CRTAC1: variants seen among roughly 807,000 people sequenced by gnomAD.
CRTAC1 encodes the protein acidic secreted protein in cartilage.
In CRTAC1, 37 loss-of-function variants were observed where a neutral mutation model predicts 67.8. The ratio of observed to expected loss-of-function variants is 0.55; its 90% CI spans 0.42 to 0.72. The LOEUF (loss-of-function observed/expected upper bound fraction) is 0.72, where lower values mean the gene tolerates loss of function less well. Ranked by LOEUF, CRTAC1 falls within the 30% of genes least tolerant of loss-of-function variation. The pLI is 0.00. For missense variants in CRTAC1, 780 were observed against 931.6 expected (o/e 0.84, Z 2.12); for synonymous variants, 348 against 371.0 (o/e 0.94, Z 0.71).
At chr10:98,003,032 C>T (rs541326751) in intron 2 of CRTAC1, among the ~76,000 whole-genome samples, 15 of 152,062 alleles carry the variant, frequency 9.9e-5, no homozygotes, top group Admixed American at 8.5e-4. Flanking sequence ...ATCTGCCCGC[C>T]TCAGCCTCCC....
At position 97,877,824 on chromosome 10, in the gene CRTAC1, A is replaced by C. The variant is rs556931311; in HGVS notation, c.1819+2425T>G. ...CATTGTGAAGGCATTCATGGTTGTCACTTATAAGGCATCATCTGAAGTCTG... is the reference window on the plus strand; with the variant it reads ...CATTGTGAAGGCATTCATGGTTGTCCCTTATAAGGCATCATCTGAAGTCTG... On this transcript the variant is annotated intron_variant, in intron 14 of 14. Transcript: ENST00000370597. Among the ~76,000 whole-genome samples the C allele has an allele frequency of 5.6e-4, 85 of 152,326 alleles. 2 individuals are homozygous for C. The South Asian group carries it at 0.017, about 30-fold the overall frequency.
intron 12 of CRTAC1, among the ~76,000 whole-genome samples, chr10:97,883,521 T>C (rs1311304699): frequency 6.6e-6 from 1 of 152,144 alleles, no homozygotes; most frequent in African/African-American, 2.4e-5. Context: ...GGATGGGGAT[T>C]GTTGGGGAAG....
intron 14 of CRTAC1, among the ~76,000 whole-genome samples, chr10:97,874,847 C>T (rs1157751464): frequency 6.6e-6 from 1 of 152,188 alleles, no homozygotes; most frequent in Non-Finnish European, 1.5e-5. Flanking sequence ...ATTCCACCTC[C>T]ATCCGGGCCT....
chr10:98,011,137 C>A lies in CRTAC1; in HGVS notation c.224+1G>T. The A allele has an allele frequency of 6.2e-7, 1 of 1,613,716 alleles. No homozygotes were observed. On this transcript the variant is annotated splice_donor_variant, in intron 2 of 14. Coordinates refer to ENST00000370597, the MANE Select transcript of CRTAC1 (RefSeq NM_018058.7). LOFTEE classifies it high-confidence loss of function. ...TCACACTGAGGGTGGGAGGCACTTA[C>A]CCCGCCACGACGATCTCAAAGTCCC...
intron 1 of CRTAC1, among the ~76,000 whole-genome samples, chr10:98,025,143 T>C (rs909549401): frequency 1.3e-5 from 2 of 152,086 alleles, no homozygotes; most frequent in African/African-American, 2.4e-5. Flanking sequence ...AATGGGAGAA[T>C]TGGATGAGAG....
At chr10:97,977,531 G>A (rs752171381) in intron 2 of CRTAC1, among the ~76,000 whole-genome samples, 29 of 146,794 alleles carry the variant, frequency 2.0e-4, no homozygotes, top group Admixed American at 1.3e-4. Context: ...TAAAAAGAAA[G>A]CCAGCTGTTT....
chr10:97,980,299 G>A (rs906616608), intron 2 of CRTAC1, among the ~76,000 whole-genome samples: 2 of 152,206 alleles, frequency 1.3e-5, no homozygotes, highest in East Asian at 1.9e-4. Flanking sequence ...CAATGCACTT[G>A]CTTTTATTTT....
rs1201052505 is a variant in CRTAC1 at position 97,895,982 on chromosome 10, C to T, written c.1220G>A (p.Gly407Asp). The T allele has an allele frequency of 1.2e-6, 2 of 1,613,772 alleles. No homozygotes were observed. Among genetic ancestry groups the T allele is most frequent in the Non-Finnish European group, 8.5e-7 (1 of 1,179,670 alleles). Residue 407 changes from glycine to aspartate, a missense_variant, in exon 10 of 15, where the codon GGT (glycine) becomes GAT (aspartate). By Grantham distance (94) the Gly-to-Asp change is moderately conservative (BLOSUM62 -1). Transcript: ENST00000370597. This position sits in a 1 kb window ranked among gnomAD's most constrained non-coding sequence, Gnocchi z 4.2. ...ALEPEGRGTG[G>D]VVTDFDGDGM... Reference sequence around the variant, plus strand: ...GTCTCCGTCGAAGTCGGTCACCACACCCCCTACAAACAATGCAGATTTCAC... The same window carrying T: ...GTCTCCGTCGAAGTCGGTCACCACATCCCCTACAAACAATGCAGATTTCAC...
intron 11 of CRTAC1, among the ~76,000 whole-genome samples, chr10:97,892,703 A>T (rs1407152382): frequency 1.3e-5 from 2 of 152,242 alleles, no homozygotes; most frequent in Non-Finnish European, 2.9e-5. Context: ...TAATTGCTTG[A>T]TAAGTGTCGG....
chr10:97,917,286 C>T (rs2050772845), intron 5 of CRTAC1, among the ~76,000 whole-genome samples: 2 of 152,178 alleles, frequency 1.3e-5, no homozygotes, highest in African/African-American at 2.4e-5. Context: ...CCCCAAAACT[C>T]GTACCTGCCA....
rs1335910587 is a variant in CRTAC1, at chr10:97,917,441, G to A, written c.715+59C>T. 3.0e-6 allele frequency: 4 copies of A among 1,352,364 alleles called. No homozygotes were observed. The African/African-American group carries it at 5.9e-5, about 20-fold the overall frequency. The allele number at this position is 1,352,364 out of a possible 1,614,324, so 83.8% of individuals were successfully genotyped here. A position where few individuals can be genotyped will look rare whatever the true frequency, so the allele number is the denominator to read the frequency against. ...TGATGAATTAGACTCAGCCTTGCAG[G>A]GCCCTGGCCCCCAGCCCCAGCCCCT... On this transcript the variant is annotated intron_variant, in intron 5 of 14. Coordinates refer to ENST00000370597, the MANE Select transcript of CRTAC1 (RefSeq NM_018058.7).
intron 14 of CRTAC1, chr10:97,869,288 G>A (rs1590168058): frequency 6.6e-6 from 1 of 152,650 alleles, no homozygotes; most frequent in East Asian, 1.9e-4. Context: ...GAAGGGTAGT[G>A]GGGGACTCGA....
At chr10:97,959,447 A>G (rs1380364060) in intron 2 of CRTAC1, among the ~76,000 whole-genome samples, 1 of 152,188 alleles carries the variant, frequency 6.6e-6, no homozygotes, top group Non-Finnish European at 1.5e-5. Flanking sequence ...TGGAAAATTC[A>G]TTCCTTGTCT....
chr10:97,952,954 C>T (rs1225143474), intron 2 of CRTAC1, among the ~76,000 whole-genome samples: 2 of 152,204 alleles, frequency 1.3e-5, no homozygotes, highest in Non-Finnish European at 2.9e-5. Flanking sequence ...AACCAACATG[C>T]TGCCTCCATC....
chr10:97,879,345 C>A (rs2050182085), intron 14 of CRTAC1, among the ~76,000 whole-genome samples: 1 of 152,222 alleles, frequency 6.6e-6, no homozygotes, highest in South Asian at 2.1e-4. Flanking sequence ...CACCTGGGAG[C>A]CATCTTTGTT....
chr10:97,934,400 A>G (rs2051050032), intron 3 of CRTAC1, among the ~76,000 whole-genome samples: 1 of 152,180 alleles, frequency 6.6e-6, no homozygotes, highest in African/African-American at 2.4e-5. Context: ...GAAAACCCAT[A>G]AAACACCACT....
chr10:98,002,891 G>A (rs1158215057), intron 2 of CRTAC1, among the ~76,000 whole-genome samples: 2 of 140,330 alleles, frequency 1.4e-5, no homozygotes, highest in African/African-American at 5.3e-5. Context: ...CCATTCTCCT[G>A]CCTCAGCCTC....
chr10:97,917,888 T>C (rs1422393626), intron 4 of CRTAC1, among the ~76,000 whole-genome samples: 1 of 152,174 alleles, frequency 6.6e-6, no homozygotes, highest in African/African-American at 2.4e-5. Flanking sequence ...CAGGCTGCTT[T>C]TCCTTCCATC....
At chr10:97,916,280 A>C (rs556650480) in intron 5 of CRTAC1, among the ~76,000 whole-genome samples, 16 of 152,098 alleles carry the variant, frequency 1.1e-4, no homozygotes, top group Admixed American at 1.3e-4. Context: ...CTGCATGTTT[A>C]TTTCTTTTCC....
Sources: gnomAD v4.1 joint callset for allele counts (sites outside exome capture counted in the v4.1 genomes callset) on GRCh38, gnomAD v4.1.1 for gene constraint, Gnocchi (gnomAD v3.1) non-coding constraint, MANE v1.5 for transcripts, NCBI Gene and HGNC (gene_info 2026-07-23, HGNC 2026-07-21) for gene names.